PACRG: variants seen among roughly 807,000 people sequenced by gnomAD.
PACRG encodes the protein parkin coregulated, also known as parkin coregulated gene protein.
PACRG carries 29 observed loss-of-function variants against 29.7 expected under a neutral mutation model. The observed-to-expected ratio is 0.98, with a 90% CI of 0.73 to 1.33. PACRG has a LOEUF of 1.33. PACRG is among the 40% of genes most tolerant of loss of function. The pLI is 0.00. For missense variants in PACRG, 279 were observed against 316.2 expected (o/e 0.88, Z 0.89); for synonymous variants, 116 against 118.7 (o/e 0.98, Z 0.15).
At chr6:163,056,072 A>G (rs571644) in intron 2 of PACRG, among the ~76,000 whole-genome samples, 83,132 of 152,144 alleles carry the variant, frequency 0.55, 23,877 homozygotes, top group East Asian at 0.95. Flanking sequence ...ACCATTTCAC[A>G]CACATTAGCA....
intron 4 of PACRG, among the ~76,000 whole-genome samples, chr6:163,137,706 C>T (rs1233370234): frequency 1.4e-5 from 2 of 146,004 alleles, no homozygotes; most frequent in African/African-American, 5.1e-5. Flanking sequence ...GTACCAGGGG[C>T]TGCATCCGTG....
chr6:163,299,716 T>C (rs1429233295), intron 4 of PACRG, among the ~76,000 whole-genome samples: 1 of 152,090 alleles, frequency 6.6e-6, no homozygotes, highest in African/African-American at 2.4e-5. Flanking sequence ...CCGTCTCTAC[T>C]AAAAATACAA....
At chr6:163,140,161 C>T (rs1421406871) in intron 4 of PACRG, among the ~76,000 whole-genome samples, 4 of 152,168 alleles carry the variant, frequency 2.6e-5, no homozygotes, top group South Asian at 2.1e-4. Context: ...ATGCTATGTA[C>T]GAAGCACGCA....
At chr6:163,140,097 G>A (rs1205653) in intron 4 of PACRG, among the ~76,000 whole-genome samples, 113,328 of 152,062 alleles carry the variant, frequency 0.75, 43,302 homozygotes, top group African/African-American at 0.93. Flanking sequence ...ATGCTGCCTC[G>A]CTCTTACCAT....
At chr6:163,197,033 G>A (rs1365655276) in intron 4 of PACRG, among the ~76,000 whole-genome samples, 4 of 151,578 alleles carry the variant, frequency 2.6e-5, no homozygotes, top group African/African-American at 9.7e-5. Flanking sequence ...ATATGAAGGA[G>A]GGAGAAAACT....
chr6:163,302,025 C>T (rs993857266), intron 4 of PACRG, among the ~76,000 whole-genome samples: 1 of 152,186 alleles, frequency 6.6e-6, no homozygotes, highest in African/African-American at 2.4e-5. Context: ...ATCGGGTACA[C>T]TAAACTGAGG....
At chr6:162,936,482 A>C (rs922238945) in intron 2 of PACRG, among the ~76,000 whole-genome samples, 14 of 152,200 alleles carry the variant, frequency 9.2e-5, no homozygotes, top group Non-Finnish European at 1.5e-4. Context: ...AGCCAATTCC[A>C]TTGAGCAAGC....
At chr6:163,196,293 C>A (rs1432118727) in intron 4 of PACRG, among the ~76,000 whole-genome samples, 2 of 152,200 alleles carry the variant, frequency 1.3e-5, no homozygotes, top group African/African-American at 2.4e-5. Flanking sequence ...GCTAATGACA[C>A]CGTCGTCCCT....
At chr6:163,001,347 G>A (rs1409815375) in intron 2 of PACRG, among the ~76,000 whole-genome samples, 1 of 152,192 alleles carries the variant, frequency 6.6e-6, no homozygotes, top group African/African-American at 2.4e-5. Flanking sequence ...CAATAAACCT[G>A]CTCTCTCCAC....
At chr6:162,955,744 C>T (rs1047880894) in intron 2 of PACRG, among the ~76,000 whole-genome samples, 1 of 152,210 alleles carries the variant, frequency 6.6e-6, no homozygotes, top group Non-Finnish European at 1.5e-5. Context: ...TGATCCTAGT[C>T]AGCAGCAGCT....
chr6:162,934,280 A>G (rs1798082547), intron 2 of PACRG, among the ~76,000 whole-genome samples: 1 of 152,030 alleles, frequency 6.6e-6, no homozygotes, highest in African/African-American at 2.4e-5. Flanking sequence ...AAATAAATAA[A>G]TGAAAAAAAG....
At chr6:162,920,677 C>T (rs1469167462) in intron 2 of PACRG, among the ~76,000 whole-genome samples, 1 of 152,134 alleles carries the variant, frequency 6.6e-6, no homozygotes. Context: ...AGCTTGGCCT[C>T]CTAAGTACAG....
At chr6:162,771,248 A>G (rs1197712374) in intron 1 of PACRG, among the ~76,000 whole-genome samples, 1 of 152,186 alleles carries the variant, frequency 6.6e-6, no homozygotes, top group Non-Finnish European at 1.5e-5. Flanking sequence ...TGCTCCAAGT[A>G]AAGACTATTT....
At chr6:163,127,628 G>C (rs1816570863) in intron 4 of PACRG, among the ~76,000 whole-genome samples, 1 of 152,216 alleles carries the variant, frequency 6.6e-6, no homozygotes, top group South Asian at 2.1e-4. Context: ...AATTAGGTTA[G>C]TCATGACACT....
intron 4 of PACRG, among the ~76,000 whole-genome samples, chr6:163,227,650 A>C (rs573523594): frequency 6.6e-6 from 1 of 152,290 alleles, no homozygotes; most frequent in East Asian, 1.9e-4. Context: ...AAACAGCTTT[A>C]TACTGATGGG....
intron 4 of PACRG, among the ~76,000 whole-genome samples, chr6:163,168,302 T>C (rs755674219): frequency 3.3e-5 from 5 of 152,132 alleles, no homozygotes; most frequent in Non-Finnish European, 7.4e-5. Context: ...ACACCCTGTC[T>C]CTACCAAAAA....
intron 2 of PACRG, among the ~76,000 whole-genome samples, chr6:162,957,035 C>A (rs1800099306): frequency 6.6e-6 from 1 of 150,514 alleles, no homozygotes; most frequent in Non-Finnish European, 1.5e-5. Context: ...GTCAGTAAAG[C>A]GTTTAAAAAA....
rs538979371 is a variant in PACRG at position 163,283,787 on chromosome 6, G to A, written c.614-31040G>A. On this transcript the variant is annotated intron_variant, in intron 4 of 4. Transcript: ENST00000366888. ...CTGCAGTCCGCAGTCCGGCCTGGGC[G>A]ACAGAGCGAGACTCCGTCTCAAAAA... Among the ~76,000 whole-genome samples, 356 of 137,146 alleles carry A rather than the reference G, an allele frequency of 2.6e-3. 2 individuals carry two copies. The highest frequency in any genetic ancestry group is 3.1e-3 in the Non-Finnish European group (203 of 65,290). The allele number at this position is 137,146 out of a possible 152,430, so 90.0% of individuals were successfully genotyped here.
At chr6:163,107,671 A>C (rs1815460171) in intron 4 of PACRG, among the ~76,000 whole-genome samples, 1 of 152,128 alleles carries the variant, frequency 6.6e-6, no homozygotes, top group Non-Finnish European at 1.5e-5. Flanking sequence ...TTCTTGGTGA[A>C]TATTCTTCTC....
Sources: gnomAD v4.1 joint callset for allele counts (sites outside exome capture counted in the v4.1 genomes callset) on GRCh38, gnomAD v4.1.1 for gene constraint, MANE v1.5 for transcripts, NCBI Gene and HGNC (gene_info 2026-07-23, HGNC 2026-07-21) for gene names.